Variants in ZNF385D observed in about 807,000 individuals in gnomAD.
ZNF385D encodes zinc finger protein 385D.
A neutral mutation model predicts 35.8 loss-of-function variants in ZNF385D; 15 were observed. The ratio of observed to expected loss-of-function variants is 0.42; its 90% CI spans 0.28 to 0.64. ZNF385D has a LOEUF of 0.64. Among genes scored for constraint, ZNF385D ranks in the 30% least tolerant of loss-of-function variants. ZNF385D has a pLI of 0.23. For synonymous variants in ZNF385D, 212 were observed against 186.8 expected, an observed-to-expected ratio of 1.13 and a Z score of -1.10; for missense variants, 474 against 494.6, an observed-to-expected ratio of 0.96 and a Z score of 0.39.
intron 2 of ZNF385D, among the ~76,000 whole-genome samples, chr3:22,304,923 C>A (rs79497092): frequency 6.6e-6 from 1 of 151,942 alleles, no homozygotes; most frequent in Non-Finnish European, 1.5e-5. Flanking sequence ...TTCCTTATTT[C>A]TTTTTATGAT....
At chr3:21,496,205 C>T (rs1705829938) in intron 4 of ZNF385D, among the ~76,000 whole-genome samples, 1 of 150,434 alleles carries the variant, frequency 6.6e-6, no homozygotes, top group African/African-American at 2.4e-5. Context: ...TCTATGAGGC[C>T]AGCATCATCT....
At chr3:21,980,431 T>C (rs1456252743) in intron 3 of ZNF385D, among the ~76,000 whole-genome samples, 1 of 152,148 alleles carries the variant, frequency 6.6e-6, no homozygotes, top group South Asian at 2.1e-4. Context: ...AACGTAATAA[T>C]GTAGATAATG....
rs1449707478 is a variant in ZNF385D, at chr3:21,577,789, T to A, written c.166-13105A>T. 4.6e-5 allele frequency among the ~76,000 whole-genome samples: 7 copies of A among 152,042 alleles called. No homozygotes were observed. The East Asian group carries it at 1.4e-3, about 29-fold the overall frequency. ...ATGTTGAGCATTTTTCATATACTTG[T>A]TGGCCATTTGTATATTTTTTTTCTT... On this transcript the variant is annotated intron_variant, in intron 2 of 7. Transcript: ENST00000281523.
intron 2 of ZNF385D, among the ~76,000 whole-genome samples, chr3:22,293,252 C>T (rs1452436041): frequency 6.6e-6 from 1 of 152,056 alleles, no homozygotes; most frequent in Admixed American, 6.6e-5. Flanking sequence ...ATTAGGGCAA[C>T]CAGGAGTCAG....
At chr3:21,641,138 T>C (rs1309745959) in intron 2 of ZNF385D, among the ~76,000 whole-genome samples, 1 of 152,126 alleles carries the variant, frequency 6.6e-6, no homozygotes, top group African/African-American at 2.4e-5. Flanking sequence ...TCCTGACGTG[T>C]TCTTGCTGTA....
chr3:21,521,817 T>A (rs1707926201), intron 3 of ZNF385D, among the ~76,000 whole-genome samples: 1 of 152,050 alleles, frequency 6.6e-6, no homozygotes, highest in African/African-American at 2.4e-5. Flanking sequence ...TTTGTAAAAA[T>A]ACTAGAAAAA....
intron 3 of ZNF385D, among the ~76,000 whole-genome samples, chr3:21,800,150 T>C (rs562663554): frequency 1.1e-4 from 17 of 152,320 alleles, no homozygotes; most frequent in African/African-American, 4.1e-4. Context: ...TATAGCTTTG[T>C]AGTAAGTTTT....
intron 2 of ZNF385D, among the ~76,000 whole-genome samples, chr3:21,607,461 G>A (rs1419037820): frequency 6.6e-6 from 1 of 152,136 alleles, no homozygotes; most frequent in African/African-American, 2.4e-5. Context: ...TATACTCTTT[G>A]TATTTTTCTA....
chr3:21,693,539 C>T (rs1330301154), intron 1 of ZNF385D, among the ~76,000 whole-genome samples: 1 of 152,180 alleles, frequency 6.6e-6, no homozygotes, highest in Non-Finnish European at 1.5e-5. Flanking sequence ...CATTTTTAAG[C>T]TGTGTACACT....
intron 2 of ZNF385D, among the ~76,000 whole-genome samples, chr3:22,198,060 A>C (rs1559446168): frequency 6.6e-6 from 1 of 152,076 alleles, no homozygotes; most frequent in African/African-American, 2.4e-5. Context: ...TAATTCTCAT[A>C]TACAATTTTT....
intron 2 of ZNF385D, among the ~76,000 whole-genome samples, chr3:21,637,353 A>G (rs2065479381): frequency 6.6e-6 from 1 of 152,062 alleles, no homozygotes; most frequent in Non-Finnish European, 1.5e-5. Context: ...TTTGTTGAAA[A>G]GGGTGTCCTT....
intron 3 of ZNF385D, among the ~76,000 whole-genome samples, chr3:22,063,325 CAACA>C (rs946199604): frequency 2.0e-5 from 3 of 151,970 alleles, no homozygotes; most frequent in Non-Finnish European, 4.4e-5. Flanking sequence ...AATGAGAAAC[CAACA>C]AACATACATC....
chr3:21,701,100 G>C (rs1451170127), intron 1 of ZNF385D, among the ~76,000 whole-genome samples: 1 of 152,088 alleles, frequency 6.6e-6, no homozygotes, highest in African/African-American at 2.4e-5. Context: ...TTCCTGATGA[G>C]TTACCATGGA....
intron 3 of ZNF385D, among the ~76,000 whole-genome samples, chr3:21,907,259 GAAT>G (rs1162120267): frequency 1.3e-5 from 2 of 152,036 alleles, no homozygotes; most frequent in Non-Finnish European, 2.9e-5. Flanking sequence ...TTTAAAAATA[GAAT>G]AATTATAACT....
chr3:22,339,718 C>A (rs1379119840), intron 2 of ZNF385D, among the ~76,000 whole-genome samples: 2 of 152,204 alleles, frequency 1.3e-5, no homozygotes. Context: ...TATGTGCTCA[C>A]TCCTTAGAAA....
intron 2 of ZNF385D, among the ~76,000 whole-genome samples, chr3:21,596,771 G>T (rs532723261): frequency 2.0e-5 from 3 of 151,820 alleles, no homozygotes; most frequent in Non-Finnish European, 2.9e-5. Context: ...GAACCAATGC[G>T]GCTGGCCACA....
chr3:21,437,699 T>C (rs1196636706), intron 4 of ZNF385D, among the ~76,000 whole-genome samples: 2 of 1,196 alleles, frequency 1.7e-3, no homozygotes, highest in Non-Finnish European at 3.6e-3. Flanking sequence ...CAAATGCTTA[T>C]ACAAAAAAAA....
chr3:21,721,822 A>G (rs897597158), intron 1 of ZNF385D, among the ~76,000 whole-genome samples: 71 of 152,286 alleles, frequency 4.7e-4, no homozygotes, highest in East Asian at 3.3e-3. Flanking sequence ...ATTTGTGGCC[A>G]GGCGCGGTGG....
chr3:21,526,068 C>G (rs779879157), intron 3 of ZNF385D, among the ~76,000 whole-genome samples: 1 of 152,066 alleles, frequency 6.6e-6, no homozygotes, highest in African/African-American at 2.4e-5. Context: ...TAAACAGATG[C>G]TATTTTCCAC....
Sources: gnomAD v4.1 joint callset for allele counts (sites outside exome capture counted in the v4.1 genomes callset) on GRCh38, gnomAD v4.1.1 for gene constraint, MANE v1.5 for transcripts, NCBI Gene and HGNC (gene_info 2026-07-23, HGNC 2026-07-21) for gene names.